The following SRPK1 variants were observed in gnomAD, a reference collection of about 807,000 sequenced individuals.
SRPK1 encodes the protein SRSF protein kinase 1.
A neutral mutation model predicts 89.5 loss-of-function variants in SRPK1; 52 were observed. The observed-to-expected ratio is 0.58, with a 90% CI of 0.46 to 0.73. SRPK1 has a LOEUF of 0.73. Among genes scored for constraint, SRPK1 ranks in the 30% least tolerant of loss-of-function variants. The pLI is 0.00. For missense variants in SRPK1, 603 were observed against 780.6 expected, an observed-to-expected ratio of 0.77 and a Z score of 2.71; for synonymous variants, 255 against 270.2, an observed-to-expected ratio of 0.94 and a Z score of 0.55.
At chr6:35,920,567 G>T (rs1260290503) in intron 1 of SRPK1, 39 bp from the exon 2 acceptor site, 5 of 1,602,006 alleles carry the variant, frequency 3.1e-6, no homozygotes, top group Non-Finnish European at 4.3e-6. Flanking sequence ...GAATGTGGAG[G>T]AAAGGAGGCG....
chr6:35,877,714 G>A (rs1386327357), intron 6 of SRPK1, among the ~76,000 whole-genome samples: 3 of 151,874 alleles, frequency 2.0e-5, no homozygotes, highest in South Asian at 2.1e-4. Flanking sequence ...ATGGTGGCGC[G>A]TGCCTGTAGT....
intron 2 of SRPK1, chr6:35,920,148 C>T (rs923615941): frequency 2.0e-6 from 1 of 508,152 alleles, no homozygotes; most frequent in African/African-American, 1.9e-5. Context: ...AATGATCTAC[C>T]AGCTCCGGTG....
intron 14 of SRPK1, chr6:35,838,705 C>T (rs1388830103): frequency 8.9e-6 from 13 of 1,455,984 alleles, no homozygotes; most frequent in Non-Finnish European, 1.2e-5. Flanking sequence ...AACAATACTA[C>T]CTCTGTGACT....
intron 15 of SRPK1, among the ~76,000 whole-genome samples, chr6:35,837,437 G>GT (rs1405754091): frequency 6.6e-5 from 10 of 152,164 alleles, no homozygotes; most frequent in African/African-American, 2.2e-4. Flanking sequence ...TTAACTGTTA[G>GT]TAAGAAGTAT....
chr6:35,860,861 G>C (rs774879962), intron 12 of SRPK1, among the ~76,000 whole-genome samples: 3 of 152,108 alleles, frequency 2.0e-5, no homozygotes, highest in Admixed American at 1.3e-4. Flanking sequence ...TAGGTGTTCA[G>C]GGGAAGAGCT....
intron 2 of SRPK1, among the ~76,000 whole-genome samples, chr6:35,915,987 A>AT (rs1300212931): frequency 1.0e-5 from 1 of 95,510 alleles, no homozygotes; most frequent in Non-Finnish European, 1.9e-5. Context: ...CAAAAAAAAA[A>AT]AAAAATATAT....
intron 14 of SRPK1, among the ~76,000 whole-genome samples, chr6:35,841,128 C>T (rs1198347038): frequency 6.6e-6 from 1 of 152,066 alleles, no homozygotes; most frequent in Non-Finnish European, 1.5e-5. Flanking sequence ...CACTGTAAGC[C>T]TATAACCCTA....
rs202235876 is a variant in SRPK1 at position 35,913,805 on chromosome 6, GA to G, written c.74+6662del. Among the ~76,000 whole-genome samples, 1,189 of 140,466 alleles carry G rather than the reference GA, an allele frequency of 8.5e-3. 16 individuals are homozygous for G. The highest frequency in any genetic ancestry group is 0.02 in the South Asian group (87 of 4,454). 92.2% of individuals were successfully genotyped at this position (140,466 alleles called of 152,430 possible). A position where few individuals can be genotyped will look rare whatever the true frequency, so the allele number is the denominator to read the frequency against. On this transcript the variant is annotated intron_variant, in intron 2 of 15. Transcript: ENST00000373825. ...AGAGCGAGATTCCATCTCAAAAAAA[GA>G]AAAAAAAATAAAAGAGAGAGAAAAA...
chr6:35,845,990 G>A lies in SRPK1; in HGVS notation c.1621-3386C>T, dbSNP rs866396873. On this transcript the variant is annotated intron_variant, in intron 13 of 15. Transcript: ENST00000373825. ...TGTCTTCAACAATCCATACCAAAGGGAAGTAAAATTCCAGAGCAGGGCTGG... is the reference window on the plus strand; with the variant it reads ...TGTCTTCAACAATCCATACCAAAGGAAAGTAAAATTCCAGAGCAGGGCTGG... Among the ~76,000 whole-genome samples the A allele has an allele frequency of 2.6e-5, 4 of 152,302 alleles. No individual in the cohort carries two copies. The South Asian group carries it at 8.3e-4, about 32-fold the overall frequency.
At chr6:35,883,654 C>T (rs952371635) in intron 6 of SRPK1, among the ~76,000 whole-genome samples, 7 of 150,192 alleles carry the variant, frequency 4.7e-5, no homozygotes. Context: ...AATCAAGTGG[C>T]AAAAAGGAAG....
rs766480782 is a variant in SRPK1, at chr6:35,920,448, T to A, written c.74+20A>T. 1.9e-6 allele frequency: 3 copies of A among 1,611,268 alleles called. No homozygotes were observed. The South Asian group carries it at 3.3e-5, about 18-fold the overall frequency. ...CCGGAGGAAAATCCAAAGAATGGGA[T>A]GTTGGGGTACAAGACTCACTTCCTT... is the stretch of plus-strand genomic sequence containing the variant. On this transcript the variant is annotated intron_variant, in intron 2 of 15. Coordinates refer to ENST00000373825, the MANE Select transcript of SRPK1 (RefSeq NM_003137.5).
chr6:35,914,980 G>A (rs1489714397), intron 2 of SRPK1, among the ~76,000 whole-genome samples: 3 of 152,054 alleles, frequency 2.0e-5, no homozygotes, highest in Non-Finnish European at 4.4e-5. Flanking sequence ...TGTATTTCCA[G>A]AAGCAGGGTT....
chr6:35,846,665 A>G (rs1291616169), intron 13 of SRPK1, among the ~76,000 whole-genome samples: 1 of 152,184 alleles, frequency 6.6e-6, no homozygotes, highest in Non-Finnish European at 1.5e-5. Context: ...GCACAATCAT[A>G]TGGCAACAGA....
rs1252662827 is a variant in SRPK1, at chr6:35,833,111, T to G, written c.*2193A>C. 2.0e-5 allele frequency: 3 copies of G among 152,744 alleles called. No individual in the cohort carries two copies. The highest frequency in any genetic ancestry group is 6.8e-3 in the Middle Eastern group (2 of 294). The allele number at this position is 152,744 out of a possible 1,614,324, so 9.5% of individuals were successfully genotyped here. ...ATGCCCTCAGTAGAAAGAATAAAAA[T>G]GTATTTAGGGCTTTATTTTTAACTG... is the stretch of plus-strand genomic sequence containing the variant. On this transcript the variant is annotated 3_prime_UTR_variant, in exon 16 of 16. Coordinates refer to ENST00000373825, the MANE Select transcript of SRPK1 (RefSeq NM_003137.5).
chr6:35,850,216 T>C lies in SRPK1; in HGVS notation c.1620+7045A>G, dbSNP rs535542809. ...TATTTAATTGCTCAAATCATGAAGA[T>C]ACTAAGTTGAAGGTGGCTTTGAAAC... On this transcript the variant is annotated intron_variant, in intron 13 of 15. Coordinates refer to ENST00000373825, the MANE Select transcript of SRPK1 (RefSeq NM_003137.5). Among the ~76,000 whole-genome samples the C allele has an allele frequency of 2.0e-5, 3 of 152,348 alleles. No homozygotes were observed. In the South Asian group the frequency reaches 6.2e-4, roughly 32 times the overall value.
At chr6:35,876,027 A>C (rs1230379371) in intron 6 of SRPK1, among the ~76,000 whole-genome samples, 1 of 151,656 alleles carries the variant, frequency 6.6e-6, no homozygotes, top group Non-Finnish European at 1.5e-5. Flanking sequence ...ATCATGAGGA[A>C]ACAATCAAAC....
rs373225189 is a variant in SRPK1 at position 35,835,496 on chromosome 6, G to A, written c.1784-8C>T. On this transcript the variant is annotated splice_region_variant and splice_polypyrimidine_tract_variant and intron_variant, in intron 15 of 15. Coordinates refer to ENST00000373825, the MANE Select transcript of SRPK1 (RefSeq NM_003137.5). ...TGATATGTTTCAGGTCACCTGCAGTGAAGACAGTACAGAAAAAGCCACTGA... is the reference window on the plus strand; with the variant it reads ...TGATATGTTTCAGGTCACCTGCAGTAAAGACAGTACAGAAAAAGCCACTGA... The A allele has an allele frequency of 1.6e-5, 26 of 1,605,974 alleles. No individual in the cohort carries two copies. In the African/African-American group the frequency reaches 3.5e-4, roughly 22 times the overall value.
intron 2 of SRPK1, among the ~76,000 whole-genome samples, chr6:35,915,092 G>A (rs906453823): frequency 4.6e-5 from 7 of 151,958 alleles, no homozygotes; most frequent in Non-Finnish European, 1.0e-4. Flanking sequence ...CACTGTGCCC[G>A]GCCAAACCTG....
intron 2 of SRPK1, among the ~76,000 whole-genome samples, chr6:35,896,025 T>C (rs916161903): frequency 1.3e-5 from 2 of 152,206 alleles, no homozygotes; most frequent in African/African-American, 4.8e-5. Context: ...TATCCTTTAT[T>C]TAGAAAAACC....
Sources: gnomAD v4.1 joint callset for allele counts (sites outside exome capture counted in the v4.1 genomes callset) on GRCh38, gnomAD v4.1.1 for gene constraint, MANE v1.5 for transcripts, NCBI Gene and HGNC (gene_info 2026-07-23, HGNC 2026-07-21) for gene names.